The following DPH7 variants were observed in gnomAD, a reference collection of about 807,000 sequenced individuals.
The protein encoded by DPH7 is diphthine methyltransferase.
A neutral mutation model predicts 41.7 loss-of-function variants in DPH7; 44 were observed. The observed-to-expected ratio is 1.05, with a 90% CI of 0.83 to 1.36. The LOEUF is 1.36. Among genes scored for constraint, DPH7 ranks in the 40% most tolerant of loss-of-function variants. The pLI is 0.00. For missense variants in DPH7, 629 were observed against 577.5 expected (o/e 1.09, Z -0.91); for synonymous variants, 275 against 238.0 (o/e 1.16, Z -1.43).
intron 3 of DPH7, chr9:137,575,249 G>A: frequency 1.0e-6 from 1 of 998,354 alleles, no homozygotes; most frequent in Non-Finnish European, 1.2e-6. Context: ...AGAGACAATG[G>A]GGAAACTCCT....
At chr9:137,568,808 G>C (rs570748332) in intron 5 of DPH7, among the ~76,000 whole-genome samples, 3 of 152,250 alleles carry the variant, frequency 2.0e-5, no homozygotes, top group Non-Finnish European at 4.4e-5. Context: ...AGGTGCAGGC[G>C]ACCATTGTTC....
chr9:137,562,882 G>A (rs1324621928), intron 8 of DPH7, among the ~76,000 whole-genome samples: 1 of 152,158 alleles, frequency 6.6e-6, no homozygotes, highest in Admixed American at 6.5e-5. Flanking sequence ...CAGGAGAATT[G>A]CTTGAAGCCA....
Position 137,555,549 on chromosome 9 carries a change from C to T in DPH7, c.1049G>A (p.Arg350Gln), listed in dbSNP as rs149407940. 9.9e-3 allele frequency: 16,017 copies of T among 1,613,994 alleles called. 104 individuals are homozygous for T. The highest frequency in any genetic ancestry group is 0.012 in the Non-Finnish European group (14,668 of 1,180,002). Residue 350 changes from arginine (R) to glutamine (Q), a missense_variant, in exon 9 of 9, where the codon CGG (arginine) becomes CAG (glutamine). By Grantham distance (43) the Arg-to-Gln change is conservative. Transcript: ENST00000277540. ...GCTAGGAAAGGACCACGAGGGGGCC[C>T]GCTGCAGAGAACGGAAGAGCAGCCA... ...WSWLLFRSLQ[R>Q]APSWSFPSNL...
intron 8 of DPH7, among the ~76,000 whole-genome samples, chr9:137,558,249 G>T (rs1167653022): frequency 6.6e-6 from 1 of 152,186 alleles, no homozygotes; most frequent in Non-Finnish European, 1.5e-5. Flanking sequence ...AGAACTGAAG[G>T]CTGGATGCAG....
At chr9:137,563,342 C>T (rs1461046863) in intron 8 of DPH7, among the ~76,000 whole-genome samples, 2 of 151,974 alleles carry the variant, frequency 1.3e-5, no homozygotes, top group African/African-American at 4.8e-5. Context: ...ACCAGCCTGA[C>T]CAACATGGTG....
rs1473879145 is a variant in DPH7 at position 137,555,000 on chromosome 9, C to T, written c.*239G>A. 2.4e-6 allele frequency: 1 copy of T among 419,836 alleles called. No individual in the cohort carries two copies. Among genetic ancestry groups the T allele is most frequent in the East Asian group, 3.7e-5 (1 of 27,362 alleles). 26.0% of individuals were successfully genotyped at this position (419,836 alleles called of 1,614,324 possible). A position where few individuals can be genotyped will look rare whatever the true frequency, so the allele number is the denominator to read the frequency against. ...CTGAGAAACTTAACAAATCTGCAAG[C>T]TGGAAACCGCGTCTTTTCCCCACTC... On this transcript the variant is annotated 3_prime_UTR_variant, in exon 9 of 9. Coordinates refer to ENST00000277540, the MANE Select transcript of DPH7 (RefSeq NM_138778.5).
At chr9:137,571,993 G>C (rs1233046789) in intron 5 of DPH7, among the ~76,000 whole-genome samples, 1 of 152,124 alleles carries the variant, frequency 6.6e-6, no homozygotes, top group Non-Finnish European at 1.5e-5. Flanking sequence ...ACCAACCCAA[G>C]GAGAGACCTC....
intron 1 of DPH7, chr9:137,578,234 G>A (rs989432470): frequency 6.5e-6 from 1 of 153,400 alleles, no homozygotes; most frequent in Non-Finnish European, 1.4e-5. Flanking sequence ...GTGCGATCTC[G>A]GCTCACTGCA....
At chr9:137,571,325 T>C (rs1042973308) in intron 5 of DPH7, among the ~76,000 whole-genome samples, 1 of 151,974 alleles carries the variant, frequency 6.6e-6, no homozygotes, top group Non-Finnish European at 1.5e-5. Context: ...TAGTTGGGAC[T>C]ACAGGCGCCT....
intron 8 of DPH7, among the ~76,000 whole-genome samples, chr9:137,559,250 T>G (rs1361108003): frequency 6.6e-6 from 1 of 151,870 alleles, no homozygotes; most frequent in Non-Finnish European, 1.5e-5. Context: ...AAGACAAGAG[T>G]GCGAGCCTTC....
At position 137,574,791 on chromosome 9, in the gene DPH7, A is replaced by G; in HGVS notation, c.428T>C (p.Leu143Pro). The change falls in exon 4 of 9, where the codon CTG becomes CCG. Residue 143 changes from leucine to proline, a missense_variant. Transcript: ENST00000277540. ...AGTGGACCAATCTAGGGACAAAGCC[A>G]GACACTGCTCCTCCAGGGCAAGGCT... ...LSSLALEEQC[L>P]ALSLDWSTGK... is the part of the protein sequence containing the mutation. The G allele has an allele frequency of 6.2e-7, 1 of 1,614,080 alleles. No individual in the cohort carries two copies. The highest frequency in any genetic ancestry group is 8.5e-7 in the Non-Finnish European group (1 of 1,180,014).
At chr9:137,562,845 T>G (rs1588839554) in intron 8 of DPH7, among the ~76,000 whole-genome samples, 2 of 152,122 alleles carry the variant, frequency 1.3e-5, no homozygotes, top group African/African-American at 4.8e-5. Context: ...CACAAGCCTG[T>G]GATCCCAGCT....
chr9:137,569,634 C>G (rs1458788792), intron 5 of DPH7, among the ~76,000 whole-genome samples: 5 of 142,434 alleles, frequency 3.5e-5, no homozygotes, highest in African/African-American at 1.3e-4. Context: ...ATCCATCCAT[C>G]CAACAATCCA....
intron 8 of DPH7, among the ~76,000 whole-genome samples, chr9:137,557,873 G>T (rs1450905037): frequency 6.6e-6 from 1 of 151,980 alleles, no homozygotes; most frequent in Non-Finnish European, 1.5e-5. Flanking sequence ...AGCGGCTCAC[G>T]CCTGTAATCC....
At chr9:137,573,670 G>A (rs902205000) in intron 5 of DPH7, among the ~76,000 whole-genome samples, 4 of 107,204 alleles carry the variant, frequency 3.7e-5, no homozygotes, top group South Asian at 3.6e-4. Context: ...GCAACAGAGT[G>A]AGACTCTGTC....
At chr9:137,559,425 C>T (rs548312871) in intron 8 of DPH7, among the ~76,000 whole-genome samples, 58 of 152,068 alleles carry the variant, frequency 3.8e-4, no homozygotes, top group Non-Finnish European at 6.8e-4. Context: ...TCCCTTTCCC[C>T]GGGGGAGTTT....
Position 137,564,517 on chromosome 9 carries a change from T to C in DPH7, c.866A>G (p.Lys289Arg). 4 of 1,614,180 alleles carry C rather than the reference T, an allele frequency of 2.5e-6. No individual in the cohort carries two copies. The highest frequency in any genetic ancestry group is 1.7e-6 in the Non-Finnish European group (2 of 1,180,020). The change falls in exon 8 of 9, where the codon AAG (lysine) becomes AGG (arginine). Residue 289 changes from lysine to arginine, a missense_variant. Lys to Arg is a conservative substitution (Grantham distance 26, BLOSUM62 2). Transcript: ENST00000277540. ...TPVQGGVWRI[K>R]WHPFHHHLLL... ...CAGGTGGTGGTGGAAAGGGTGCCAC[T>C]TGATTCTCCATACCCCACCCTGCAC...
At position 137,556,288 on chromosome 9, in the gene DPH7, G is replaced by A. The variant is rs947987886; in HGVS notation, c.950-640C>T. On this transcript the variant is annotated intron_variant, in intron 8 of 8. Coordinates refer to ENST00000277540, the MANE Select transcript of DPH7 (RefSeq NM_138778.5). This position sits in a 1 kb window ranked among gnomAD's most constrained non-coding sequence, Gnocchi z 5.2. ...ACAGCAACAGAGGGAATGACGAGGC[G>A]TGGCCAAACCCGAGGCGATCTGGAG... 6.6e-6 allele frequency among the ~76,000 whole-genome samples: 1 copy of A among 152,220 alleles called. No individual in the cohort carries two copies. Among genetic ancestry groups the A allele is most frequent in the Non-Finnish European group, 1.5e-5 (1 of 68,040 alleles).
At chr9:137,558,566 C>A (rs987508377) in intron 8 of DPH7, among the ~76,000 whole-genome samples, 5 of 152,038 alleles carry the variant, frequency 3.3e-5, no homozygotes, top group African/African-American at 9.7e-5. Context: ...TGTAAAGAAG[C>A]CGGATATAAA....
Sources: allele counts gnomAD v4.1 joint callset (sites outside exome capture counted in the v4.1 genomes callset), GRCh38; gene constraint gnomAD v4.1.1; non-coding constraint Gnocchi (gnomAD v3.1); transcripts MANE v1.5; gene names NCBI Gene and HGNC (gene_info 2026-07-23, HGNC 2026-07-21).